Variants in MYOCD observed in about 807,000 individuals in gnomAD.
MYOCD encodes the protein myocardin.
A neutral mutation model predicts 96.1 loss-of-function variants in MYOCD; 32 were observed. The ratio of observed to expected loss-of-function variants is 0.33; its 90% CI spans 0.25 to 0.45. The LOEUF (loss-of-function observed/expected upper bound fraction) is 0.45. MYOCD is among the 20% of genes least tolerant of loss of function. MYOCD has a pLI of 1.00. For synonymous variants in MYOCD, 469 were observed against 469.0 expected, an observed-to-expected ratio of 1.00 and a Z score of 0.00; for missense variants, 1,133 against 1,200.6, an observed-to-expected ratio of 0.94 and a Z score of 0.83.
At position 12,766,572 on chromosome 17, in the gene MYOCD, A is replaced by G. The variant is rs1256039551; in HGVS notation, c.*2928A>G. 6.6e-6 allele frequency: 1 copy of G among 152,236 alleles called. No individual in the cohort carries two copies. Among genetic ancestry groups the G allele is most frequent in the Non-Finnish European group, 1.5e-5 (1 of 68,040 alleles). 9.4% of individuals were successfully genotyped at this position (152,236 alleles called of 1,614,324 possible). A position where few individuals can be genotyped will look rare whatever the true frequency, so the allele number is the denominator to read the frequency against. On this transcript the variant is annotated 3_prime_UTR_variant, in exon 14 of 14. Transcript: ENST00000425538. Reference sequence around the variant, plus strand: ...TGAAGTTGGCTGCTTCCAGTAGATCAGATAATCCATGAATTTGTCTCCCAT... The same window carrying G: ...TGAAGTTGGCTGCTTCCAGTAGATCGGATAATCCATGAATTTGTCTCCCAT...
At chr17:12,727,965 G>C (rs1432611266) in intron 5 of MYOCD, among the ~76,000 whole-genome samples, 1 of 152,146 alleles carries the variant, frequency 6.6e-6, no homozygotes, top group Non-Finnish European at 1.5e-5. Flanking sequence ...ACCCTAAAAT[G>C]ACATTCTGTA....
intron 5 of MYOCD, among the ~76,000 whole-genome samples, chr17:12,731,547 T>G (rs1347197829): frequency 1.3e-5 from 2 of 152,088 alleles, no homozygotes; most frequent in African/African-American, 4.8e-5. Context: ...AGCAAGAAAT[T>G]ATTAATCACT....
intron 5 of MYOCD, among the ~76,000 whole-genome samples, chr17:12,732,770 C>T (rs148822153): frequency 2.6e-5 from 4 of 152,278 alleles, no homozygotes; most frequent in Middle Eastern, 3.4e-3. Flanking sequence ...TGTGCTTCGA[C>T]CTGGGGTCAC....
chr17:12,696,660 GC>G (rs2150663478), intron 1 of MYOCD, among the ~76,000 whole-genome samples: 1 of 152,226 alleles, frequency 6.6e-6, no homozygotes, highest in Admixed American at 6.5e-5. Context: ...GAATTATCTT[GC>G]CTGTTTCTGA....
Position 12,763,504 on chromosome 17 carries a change from C to T in MYOCD, c.2821C>T (p.Leu941=). The T allele has an allele frequency of 6.2e-7, 1 of 1,614,202 alleles. No homozygotes were observed. The highest frequency in any genetic ancestry group is 8.5e-7 in the Non-Finnish European group (1 of 1,180,040). The part of the protein sequence containing the change: ...TESPWETMEW[L]DLTPPNSTPG... ...ATCTCCCTGGGAAACCATGGAGTGG[C>T]TGGACCTCACTCCGCCAAATTCCAC... is the stretch of plus-strand genomic sequence containing the variant. Residue 941 remains leucine (L), a synonymous_variant, in exon 14 of 14, where the codon CTG becomes TTG. Coordinates refer to ENST00000425538, the MANE Select transcript of MYOCD (RefSeq NM_001146312.3).
At chr17:12,698,580 G>T (rs538544222) in intron 1 of MYOCD, among the ~76,000 whole-genome samples, 1 of 152,104 alleles carries the variant, frequency 6.6e-6, no homozygotes, top group Non-Finnish European at 1.5e-5. Flanking sequence ...ATGATTGAAC[G>T]AATGTAATGA....
Position 12,715,521 on chromosome 17 carries a change from C to A in MYOCD, c.124C>A (p.Leu42Met), listed in dbSNP as rs937195609. 1.2e-6 allele frequency: 2 copies of A among 1,613,322 alleles called. No individual in the cohort carries two copies. Among genetic ancestry groups the A allele is most frequent in the Non-Finnish European group, 1.7e-6 (2 of 1,179,640 alleles). Residue 42 changes from leucine to methionine, a missense_variant and splice_region_variant, in exon 3 of 14, where the codon CTG (leucine) becomes ATG (methionine). Coordinates refer to ENST00000425538, the MANE Select transcript of MYOCD (RefSeq NM_001146312.3). ...QLANQGIIPPLKRPAEFHEQR... is the reference protein window; with the variant it reads ...QLANQGIIPPMKRPAEFHEQR... Reference sequence around the variant, plus strand: ...ACGTTTTTGTGTTTCTGTTTCAGCACTGAAACGTCCAGCTGAATTCCATGA... The same window carrying A: ...ACGTTTTTGTGTTTCTGTTTCAGCAATGAAACGTCCAGCTGAATTCCATGA...
At chr17:12,716,514 T>C (rs2031645112) in intron 3 of MYOCD, among the ~76,000 whole-genome samples, 2 of 152,214 alleles carry the variant, frequency 1.3e-5, no homozygotes, top group Non-Finnish European at 1.5e-5. Flanking sequence ...ATAACCCATC[T>C]CTTCATGCCC....
intron 5 of MYOCD, among the ~76,000 whole-genome samples, chr17:12,725,683 A>G (rs1038226243): frequency 1.3e-5 from 2 of 150,968 alleles, no homozygotes; most frequent in Non-Finnish European, 3.0e-5. Flanking sequence ...ATATTATATT[A>G]GTGTTGCTGT....
chr17:12,674,726 G>A (rs979198018), intron 1 of MYOCD, among the ~76,000 whole-genome samples: 1 of 152,008 alleles, frequency 6.6e-6, no homozygotes, highest in African/African-American at 2.4e-5. Context: ...ATATGTAATG[G>A]GTTTGTTGAG....
chr17:12,760,709 T>A lies in MYOCD; in HGVS notation c.2389+2T>A, dbSNP rs1249119142. Reference sequence around the variant, plus strand: ...TGGACGTGCTTATTGAAAGCGGAGGTAAGACTGCCTGTGTCCTGTCCATTA... The same window carrying A: ...TGGACGTGCTTATTGAAAGCGGAGGAAAGACTGCCTGTGTCCTGTCCATTA... On this transcript the variant is annotated splice_donor_variant, in intron 13 of 13. Transcript: ENST00000425538. LOFTEE classifies it high-confidence loss of function. 1 of 1,612,774 alleles carries A rather than the reference T, an allele frequency of 6.2e-7. No individual in the cohort carries two copies. Among genetic ancestry groups the A allele is most frequent in the African/African-American group, 1.3e-5 (1 of 74,872 alleles).
At chr17:12,697,402 G>A (rs551437373) in intron 1 of MYOCD, among the ~76,000 whole-genome samples, 21 of 121,340 alleles carry the variant, frequency 1.7e-4, no homozygotes, top group South Asian at 1.6e-3. Flanking sequence ...TCGCTCTGTC[G>A]CCCAGGCTGG....
intron 1 of MYOCD, among the ~76,000 whole-genome samples, chr17:12,675,134 G>C (rs1909938341): frequency 6.6e-6 from 1 of 152,198 alleles, no homozygotes; most frequent in South Asian, 2.1e-4. Context: ...GTCAGCATAT[G>C]AAATATACTC....
chr17:12,671,804 G>A (rs1909725256), intron 1 of MYOCD: 1 of 152,160 alleles, frequency 6.6e-6, no homozygotes. Context: ...TCCACCCAGG[G>A]TTAGAATTTT....
intron 5 of MYOCD, among the ~76,000 whole-genome samples, chr17:12,726,375 G>C (rs955729052): frequency 6.6e-6 from 1 of 152,156 alleles, no homozygotes; most frequent in African/African-American, 2.4e-5. Flanking sequence ...AAAACAGGCT[G>C]CAGGCACACA....
At chr17:12,667,660 C>T (rs1358470767) in intron 1 of MYOCD, among the ~76,000 whole-genome samples, 1 of 152,166 alleles carries the variant, frequency 6.6e-6, no homozygotes, top group African/African-American at 2.4e-5. Context: ...GCTGGTTTGT[C>T]TCTAAAAGGA....
At chr17:12,709,123 G>A (rs2031397996) in intron 2 of MYOCD, among the ~76,000 whole-genome samples, 1 of 152,150 alleles carries the variant, frequency 6.6e-6, no homozygotes, top group Non-Finnish European at 1.5e-5. Flanking sequence ...ATTCCAAATT[G>A]ATAATTAAAT....
intron 7 of MYOCD, 129 bp from the exon 8 acceptor site, chr17:12,744,054 C>A (rs1032725186): frequency 1.1e-5 from 12 of 1,125,050 alleles, no homozygotes; most frequent in Non-Finnish European, 1.5e-5. Flanking sequence ...TACATCATGC[C>A]TTTGCTATAT....
chr17:12,682,921 G>C (rs1242551630), intron 1 of MYOCD, among the ~76,000 whole-genome samples: 1 of 152,156 alleles, frequency 6.6e-6, no homozygotes, highest in East Asian at 1.9e-4. Flanking sequence ...GCAAATAATA[G>C]AGAATCAAAC....
Sources: gnomAD v4.1 joint callset for allele counts (sites outside exome capture counted in the v4.1 genomes callset) on GRCh38, gnomAD v4.1.1 for gene constraint, MANE v1.5 for transcripts, NCBI Gene and HGNC (gene_info 2026-07-23, HGNC 2026-07-21) for gene names.